The following DENND1B variants were observed in gnomAD, a reference collection of about 807,000 sequenced individuals.
DENND1B encodes DENN domain-containing protein 1B.
Under a neutral mutation model 90.1 loss-of-function variants are expected in DENND1B, and 59 were observed. The observed-to-expected ratio is 0.65, with a 90% CI of 0.53 to 0.81. DENND1B has a LOEUF of 0.81. DENND1B is among the 40% of genes least tolerant of loss of function. DENND1B has a pLI of 0.00. For missense variants in DENND1B, 862 were observed against 912.6 expected, an observed-to-expected ratio of 0.94 and a Z score of 0.71; for synonymous variants, 337 against 324.6, an observed-to-expected ratio of 1.04 and a Z score of -0.41.
chr1:197,755,430 G>GA lies in DENND1B; in HGVS notation c.82+17437dup, dbSNP rs555703500. The stretch of plus-strand genomic sequence containing the variant: ...CTTAAGAGTAGTATACTGCCCAACA[G>GA]AAAAAAAAAATACAATGGTACAGGA... On this transcript the variant is annotated intron_variant, in intron 2 of 22. Coordinates refer to ENST00000620048, the MANE Select transcript of DENND1B (RefSeq NM_001195215.2). Among the ~76,000 whole-genome samples the GA allele has an allele frequency of 1.1e-3, 153 of 134,140 alleles. No individual in the cohort carries two copies. The Middle Eastern group carries it at 0.014, about 13-fold the overall frequency. 88.0% of individuals were successfully genotyped at this position (134,140 alleles called of 152,430 possible).
At chr1:197,715,101 A>C (rs754944900) in intron 2 of DENND1B, 27 bp from the exon 3 acceptor site, 1 of 1,593,958 alleles carries the variant, frequency 6.3e-7, no homozygotes, top group Non-Finnish European at 8.6e-7. Context: ...TGTATAATTA[A>C]ACAGCAGCAA....
rs1042265227 is a variant in DENND1B at position 197,643,316 on chromosome 1, G to A, written c.562-495C>T. Among the ~76,000 whole-genome samples, 32 of 151,996 alleles carry A rather than the reference G, an allele frequency of 2.1e-4. 1 individual carries two copies. In the East Asian group the frequency reaches 3.5e-3, roughly 17 times the overall value. ...ATTACAGGTGCACGCCACCACATCC[G>A]GCTAATTTTTGTATTTTTAGTAGAG... On this transcript the variant is annotated intron_variant, in intron 9 of 22. Transcript: ENST00000620048.
chr1:197,545,913 A>G lies in DENND1B; in HGVS notation c.1350+9T>C, dbSNP rs1312207737. 1 of 1,598,386 alleles carries G rather than the reference A, an allele frequency of 6.3e-7. No individual in the cohort carries two copies. The highest frequency in any genetic ancestry group is 2.3e-5 in the East Asian group (1 of 44,422). ...ATAAATAGGATTGTTAAATATCAAA[A>G]AAACTTACAAATTTATATGCTGTCC... On this transcript the variant is annotated intron_variant, in intron 18 of 22. Transcript: ENST00000620048.
chr1:197,762,882 T>TC (rs1320087262), intron 2 of DENND1B, among the ~76,000 whole-genome samples: 2 of 152,128 alleles, frequency 1.3e-5, no homozygotes, highest in Non-Finnish European at 2.9e-5. Flanking sequence ...CGGCATTATC[T>TC]CCCCCGTTGT....
At chr1:197,773,103 T>C (rs559037608) in intron 1 of DENND1B, 171 bp from the exon 2 acceptor site, 120 of 639,524 alleles carry the variant, frequency 1.9e-4, no homozygotes, top group African/African-American at 1.4e-3. Flanking sequence ...ATTGAGCAAC[T>C]TAAAAGAGCT....
intron 13 of DENND1B, among the ~76,000 whole-genome samples, chr1:197,604,798 A>G (rs1676524902): frequency 6.6e-6 from 1 of 151,190 alleles, no homozygotes; most frequent in African/African-American, 2.4e-5. Context: ...AGACATTTAC[A>G]ATTGTCCTGT....
intron 12 of DENND1B, among the ~76,000 whole-genome samples, chr1:197,607,897 T>C (rs1177693944): frequency 6.6e-6 from 1 of 150,704 alleles, no homozygotes; most frequent in Non-Finnish European, 1.5e-5. Context: ...ATACTTATGG[T>C]TCATTTTTCC....
chr1:197,527,937 C>G (rs562138907), intron 20 of DENND1B, among the ~76,000 whole-genome samples: 1 of 152,150 alleles, frequency 6.6e-6, no homozygotes, highest in African/African-American at 2.4e-5. Flanking sequence ...TTCCAAAGAT[C>G]CCAACAAGTA....
Position 197,546,744 on chromosome 1 carries a change from G to A in DENND1B, c.1270C>T (p.His424Tyr), listed in dbSNP as rs189847295. 228 of 1,546,074 alleles carry A rather than the reference G, an allele frequency of 1.5e-4. 2 individuals are homozygous for A. In the East Asian group the frequency reaches 5.6e-3, roughly 38 times the overall value. ...AAGCTTATGATTACCTTGACTGTAT[G>A]CACCCATTGTTGATATGACCTCGGG... ...GNPRSYQQWV[H>Y]TVKKGGALFN... The change falls in exon 17 of 23, where the codon CAT becomes TAT. Residue 424 changes from histidine (H) to tyrosine (Y), a missense_variant. His to Tyr is a moderately conservative substitution (Grantham distance 83). Coordinates refer to ENST00000620048, the MANE Select transcript of DENND1B (RefSeq NM_001195215.2).
chr1:197,583,072 T>G (rs1217464415), intron 15 of DENND1B, 80 bp downstream of exon 15: 1 of 1,325,638 alleles, frequency 7.5e-7, no homozygotes, highest in African/African-American at 1.5e-5. Flanking sequence ...TCAGGGTTTG[T>G]ACATAGTTTT....
At chr1:197,631,621 G>A in intron 10 of DENND1B, among the ~76,000 whole-genome samples, 1 of 151,566 alleles carries the variant, frequency 6.6e-6, no homozygotes. Flanking sequence ...ACCAGCAACT[G>A]AAAAAGAGAC....
At chr1:197,661,246 T>A (rs1654375685) in intron 5 of DENND1B, among the ~76,000 whole-genome samples, 1 of 152,078 alleles carries the variant, frequency 6.6e-6, no homozygotes, top group South Asian at 2.1e-4. Context: ...TACTAATACT[T>A]TTATAATACT....
intron 15 of DENND1B, among the ~76,000 whole-genome samples, chr1:197,565,610 G>C (rs1479452229): frequency 1.3e-5 from 2 of 150,044 alleles, no homozygotes; most frequent in African/African-American, 4.9e-5. Context: ...TTTAGCATTA[G>C]GTATATCTCC....
At chr1:197,512,797 A>G (rs984284887) in intron 21 of DENND1B, 74 bp downstream of exon 21, 1 of 1,394,740 alleles carries the variant, frequency 7.2e-7, no homozygotes, top group Non-Finnish European at 1.0e-6. Context: ...ATACTCTTTG[A>G]AATACCCTTT....
At chr1:197,671,877 A>G (rs531928417) in intron 5 of DENND1B, among the ~76,000 whole-genome samples, 160 bp downstream of exon 5, 1 of 152,224 alleles carries the variant, frequency 6.6e-6, no homozygotes, top group East Asian at 1.9e-4. Flanking sequence ...TTAATGGTAA[A>G]TCTTTAAACT....
At chr1:197,735,562 T>G in intron 2 of DENND1B, 1 of 1,614,038 alleles carries the variant, frequency 6.2e-7, no homozygotes, top group African/African-American at 1.3e-5. Context: ...TTCTTAGACT[T>G]TTATGAATTC....
intron 20 of DENND1B, among the ~76,000 whole-genome samples, chr1:197,517,582 C>T (rs1201509371): frequency 6.6e-6 from 1 of 151,880 alleles, no homozygotes; most frequent in African/African-American, 2.4e-5. Flanking sequence ...CATATTGAGT[C>T]TCTATTATTC....
At chr1:197,600,928 A>G (rs1300411512) in intron 13 of DENND1B, among the ~76,000 whole-genome samples, 1 of 151,678 alleles carries the variant, frequency 6.6e-6, no homozygotes, top group Non-Finnish European at 1.5e-5. Flanking sequence ...TGAGCCCCCG[A>G]GAATTTATGC....
chr1:197,647,758 G>A (rs1680857502), intron 7 of DENND1B, among the ~76,000 whole-genome samples: 1 of 152,150 alleles, frequency 6.6e-6, no homozygotes, highest in African/African-American at 2.4e-5. Flanking sequence ...AGACCAGCCT[G>A]ACCAGCATGG....
Sources: allele counts gnomAD v4.1 joint callset (sites outside exome capture counted in the v4.1 genomes callset), GRCh38; gene constraint gnomAD v4.1.1; transcripts MANE v1.5; gene names NCBI Gene and HGNC (gene_info 2026-07-23, HGNC 2026-07-21).